The following ANKRD44 variants were observed in gnomAD, a reference collection of about 807,000 sequenced individuals.
ANKRD44 encodes the protein ankyrin repeat domain 44, also known as serine/threonine-protein phosphatase 6 regulatory ankyrin repeat subunit B.
In ANKRD44, 35 loss-of-function variants were observed where a neutral mutation model predicts 116.0. That is an observed-to-expected ratio of 0.30 (90% CI 0.23 to 0.40). The LOEUF (loss-of-function observed/expected upper bound fraction) is 0.40. ANKRD44 is among the 10% of genes least tolerant of loss of function. ANKRD44 has a pLI of 1.00. For synonymous variants in ANKRD44, 435 were observed against 461.8 expected (o/e 0.94, Z 0.74); for missense variants, 1,014 against 1,242.6 (o/e 0.82, Z 2.77).
In ANKRD44 at chr2:196,993,673, G is replaced by A. The variant is rs955111802; in HGVS notation, c.2833C>T (p.Pro945Ser). 1.4e-5 allele frequency: 21 copies of A among 1,550,498 alleles called. No individual in the cohort carries two copies. The highest frequency in any genetic ancestry group is 2.7e-5 in the African/African-American group (2 of 73,040). The change falls in exon 27 of 28, where the codon CCC becomes TCC. Residue 945 changes from proline (P) to serine (S), a missense_variant and splice_region_variant. Coordinates refer to ENST00000282272, the MANE Select transcript of ANKRD44 (RefSeq NM_001195144.2). ...INEKNNALQT[P>S]LHVAARNGLK... ...CCATTGCGCGCAGCGACGTGGAGGGGTCTAAAAAACACAAGACCGAGCATC... is the reference window on the plus strand; with the variant it reads ...CCATTGCGCGCAGCGACGTGGAGGGATCTAAAAAACACAAGACCGAGCATC...
chr2:197,133,959 T>TC (rs1211818307), intron 4 of ANKRD44: 4 of 137,732 alleles, frequency 2.9e-5, no homozygotes, highest in Non-Finnish European at 6.3e-5. Context: ...TTTTTTTTTT[T>TC]TTTTTTTTTT....
intron 27 of ANKRD44, among the ~76,000 whole-genome samples, chr2:196,993,136 T>C (rs887029626): frequency 2.6e-5 from 4 of 152,240 alleles, no homozygotes; most frequent in African/African-American, 9.6e-5. Context: ...GAATATGAGT[T>C]CTGATCTGTA....
rs1384342605 is a variant in ANKRD44 at position 197,088,738 on chromosome 2, G to A, written c.1220C>T (p.Thr407Met). 7.4e-6 allele frequency: 12 copies of A among 1,612,246 alleles called. No homozygotes were observed. Among genetic ancestry groups the A allele is most frequent in the African/African-American group, 1.3e-5 (1 of 74,880 alleles). ...TCCTGCAGCAGCAGCATGAAGGCAC[G>A]TTCTTCCAAATTTATCTGGGGTGTC... ...EIDTPDKFGR[T>M]CLHAAAAGGN... The change falls in exon 12 of 28, where the codon ACG (threonine) becomes ATG (methionine). Residue 407 changes from threonine to methionine, a missense_variant. Transcript: ENST00000282272.
intron 21 of ANKRD44, among the ~76,000 whole-genome samples, chr2:196,970,495 A>C (rs2075707557): frequency 6.6e-6 from 1 of 152,126 alleles, no homozygotes; most frequent in Admixed American, 6.5e-5. Flanking sequence ...TTATTGGAGC[A>C]TCTCCAAGTT....
Position 197,039,667 on chromosome 2 carries a change from TTG to T in ANKRD44, c.1651-14402_1651-14401del, listed in dbSNP as rs139563391. On this transcript the variant is annotated intron_variant, in intron 16 of 27. Transcript: ENST00000282272. The stretch of plus-strand genomic sequence containing the variant: ...CTGCATTACATGTGTGTGGTGGTGA[TTG>T]TGTGTGTGTGCGTGTGTGTGTGTGT... 5.7e-4 allele frequency among the ~76,000 whole-genome samples: 73 copies of T among 128,424 alleles called. No homozygotes were observed. In the South Asian group the frequency reaches 0.012, roughly 20 times the overall value. 84.3% of individuals were successfully genotyped at this position (128,424 alleles called of 152,430 possible).
At chr2:197,290,759 T>G (rs1210728903) in intron 1 of ANKRD44, among the ~76,000 whole-genome samples, 1 of 152,234 alleles carries the variant, frequency 6.6e-6, no homozygotes, top group Non-Finnish European at 1.5e-5. Flanking sequence ...ATCACATTTC[T>G]ATTACAAAGC....
chr2:197,053,128 A>G (rs2077141298), intron 16 of ANKRD44, among the ~76,000 whole-genome samples: 1 of 152,142 alleles, frequency 6.6e-6, no homozygotes, highest in South Asian at 2.1e-4. Flanking sequence ...CCGAGATCGC[A>G]CCACTGCACT....
chr2:197,023,996 G>A lies in ANKRD44; in HGVS notation c.1722+1200C>T, dbSNP rs559278835. Among the ~76,000 whole-genome samples, 16 of 152,294 alleles carry A rather than the reference G, an allele frequency of 1.1e-4. No homozygotes were observed. The South Asian group carries it at 2.1e-3, about 20-fold the overall frequency. ...GGTGTGTTGGTGGGTGTCAGAGGAC[G>A]TGTGAGTGGGTGTCAGCAGGTGTGC... On this transcript the variant is annotated intron_variant, in intron 17 of 27. Transcript: ENST00000282272.
intron 22 of ANKRD44, 117 bp downstream of exon 22, chr2:197,001,636 A>G (rs1249934989): frequency 2.9e-6 from 2 of 685,536 alleles, no homozygotes; most frequent in Admixed American, 5.8e-5. Context: ...AGCAGCAAAA[A>G]TGGAATATTT....
chr2:197,293,727 C>T (rs1384278091), intron 1 of ANKRD44, among the ~76,000 whole-genome samples: 1 of 152,172 alleles, frequency 6.6e-6, no homozygotes, highest in Non-Finnish European at 1.5e-5. Flanking sequence ...AAGATCTTTA[C>T]CCACAGGGGA....
intron 21 of ANKRD44, among the ~76,000 whole-genome samples, chr2:196,969,963 A>G (rs2075703944): frequency 6.6e-6 from 1 of 152,246 alleles, no homozygotes. Context: ...ACTGTAAAAC[A>G]TGGAGATTTG....
chr2:197,109,241 G>T (rs1188868189), intron 9 of ANKRD44, among the ~76,000 whole-genome samples: 1 of 152,168 alleles, frequency 6.6e-6, no homozygotes, highest in Non-Finnish European at 1.5e-5. Context: ...AAATACAGTG[G>T]CATAAGAGAC....
At chr2:197,239,313 C>G (rs2082041321) in intron 1 of ANKRD44, among the ~76,000 whole-genome samples, 1 of 152,172 alleles carries the variant, frequency 6.6e-6, no homozygotes, top group South Asian at 2.1e-4. Flanking sequence ...CTCACTGAAG[C>G]CTTGGCCACC....
intron 16 of ANKRD44, among the ~76,000 whole-genome samples, chr2:197,051,254 C>T (rs2077101650): frequency 2.6e-5 from 4 of 152,192 alleles, no homozygotes; most frequent in Admixed American, 2.6e-4. Context: ...AGCCACCATG[C>T]CTGGCTATCC....
intron 1 of ANKRD44, among the ~76,000 whole-genome samples, chr2:197,224,445 G>A (rs1234970481): frequency 1.3e-5 from 2 of 152,104 alleles, no homozygotes; most frequent in Non-Finnish European, 2.9e-5. Context: ...CTGAATAAGG[G>A]GTAGAAGGAG....
chr2:197,104,972 C>A (rs1316393077), intron 9 of ANKRD44, among the ~76,000 whole-genome samples: 1 of 152,136 alleles, frequency 6.6e-6, no homozygotes, highest in African/African-American at 2.4e-5. Flanking sequence ...TGGGGGTCTG[C>A]AACTTAATAG....
intron 16 of ANKRD44, among the ~76,000 whole-genome samples, chr2:197,077,211 A>G (rs1437866): frequency 0.6 from 91,888 of 152,102 alleles, 31,250 homozygotes; most frequent in East Asian, 0.85. Context: ...GACTGGTATG[A>G]GATGGTACCT....
intron 16 of ANKRD44, among the ~76,000 whole-genome samples, chr2:197,046,967 C>G (rs2077013093): frequency 6.6e-6 from 1 of 151,504 alleles, no homozygotes; most frequent in Non-Finnish European, 1.5e-5. Context: ...CTTTAGAAGA[C>G]TATTAAATTT....
chr2:197,238,329 A>T (rs1262291984), intron 1 of ANKRD44, among the ~76,000 whole-genome samples: 1 of 67,858 alleles, frequency 1.5e-5, no homozygotes, highest in Non-Finnish European at 4.8e-5. Flanking sequence ...ACTCTACCGT[A>T]AAAAAAAATG....
Sources: allele counts gnomAD v4.1 joint callset (sites outside exome capture counted in the v4.1 genomes callset), GRCh38; gene constraint gnomAD v4.1.1; transcripts MANE v1.5; gene names NCBI Gene and HGNC (gene_info 2026-07-23, HGNC 2026-07-21).